SMPD3: variants seen among roughly 807,000 people sequenced by gnomAD.
The protein encoded by SMPD3 is sphingomyelin phosphodiesterase 3.
A neutral mutation model predicts 55.7 loss-of-function variants in SMPD3; 21 were observed. The ratio of observed to expected loss-of-function variants is 0.38; its 90% CI spans 0.27 to 0.54. SMPD3 has a LOEUF of 0.54. SMPD3 is among the 20% of genes least tolerant of loss of function. The pLI is 0.80. For missense variants in SMPD3, 842 were observed against 899.6 expected (o/e 0.94, Z 0.82); for synonymous variants, 457 against 404.3 (o/e 1.13, Z -1.56).
chr16:68,413,019 A>C (rs1275042069), intron 1 of SMPD3, among the ~76,000 whole-genome samples: 1 of 152,252 alleles, frequency 6.6e-6, no homozygotes, highest in African/African-American at 2.4e-5. Flanking sequence ...AGAGAGCTGA[A>C]GTGATGTATC....
chr16:68,437,219 A>T (rs1404774302), intron 1 of SMPD3, among the ~76,000 whole-genome samples: 1 of 152,250 alleles, frequency 6.6e-6, no homozygotes, highest in Non-Finnish European at 1.5e-5. Flanking sequence ...GGGCGTGAAT[A>T]CTTGGTCCTG....
intron 2 of SMPD3, among the ~76,000 whole-genome samples, chr16:68,375,889 G>A (rs897595184): frequency 2.0e-5 from 3 of 152,148 alleles, no homozygotes; most frequent in African/African-American, 7.2e-5. Context: ...AGCCCTTCCC[G>A]CTGCCCTTCC....
chr16:68,404,349 C>T lies in SMPD3; in HGVS notation c.-268-17690G>A, dbSNP rs958442725. ...TCCCGACCTCAGGTGATCTGCCCGC[C>T]TCAGCCTCCCAAATTGCTGAGATTA... On this transcript the variant is annotated intron_variant, in intron 1 of 8. Coordinates refer to ENST00000219334, the MANE Select transcript of SMPD3 (RefSeq NM_018667.4). The surrounding 1 kb of genome is among the most constrained non-coding windows in gnomAD (Gnocchi z 4.0). Among the ~76,000 whole-genome samples the T allele has an allele frequency of 2.6e-5, 4 of 152,108 alleles. No homozygotes were observed. Among genetic ancestry groups the T allele is most frequent in the Non-Finnish European group, 5.9e-5 (4 of 68,010 alleles).
chr16:68,410,872 A>G (rs1485532909), intron 1 of SMPD3, among the ~76,000 whole-genome samples: 1 of 152,274 alleles, frequency 6.6e-6, no homozygotes, highest in African/African-American at 2.4e-5. Context: ...GCATCTGTGA[A>G]TTCCGGCAGA....
At chr16:68,378,191 G>T (rs2089866739) in intron 2 of SMPD3, among the ~76,000 whole-genome samples, 1 of 152,196 alleles carries the variant, frequency 6.6e-6, no homozygotes, top group Non-Finnish European at 1.5e-5. Context: ...CACGTGGATT[G>T]CTCCAATCCA....
chr16:68,362,340 T>C (rs890836927), intron 7 of SMPD3, among the ~76,000 whole-genome samples: 1 of 152,118 alleles, frequency 6.6e-6, no homozygotes, highest in African/African-American at 2.4e-5. Context: ...CGCTTCTGAG[T>C]GAGGAAACCC....
chr16:68,366,486 C>T (rs1022021420), intron 3 of SMPD3, among the ~76,000 whole-genome samples: 1 of 152,242 alleles, frequency 6.6e-6, no homozygotes, highest in Non-Finnish European at 1.5e-5. Flanking sequence ...TAACAGCATC[C>T]CCGCCCCCCG....
intron 1 of SMPD3, among the ~76,000 whole-genome samples, chr16:68,409,888 A>G (rs529105803): frequency 6.6e-6 from 1 of 152,294 alleles, no homozygotes; most frequent in East Asian, 1.9e-4. Context: ...CACCGCGCCC[A>G]GCCAATGATT....
Position 68,372,133 on chromosome 16 carries a change from G to A in SMPD3, c.49C>T (p.His17Tyr), listed in dbSNP as rs2089688907. 6.2e-7 allele frequency: 1 copy of A among 1,612,916 alleles called. No individual in the cohort carries two copies. The highest frequency in any genetic ancestry group is 8.5e-7 in the Non-Finnish European group (1 of 1,179,602). The change falls in exon 3 of 9, where the codon CAC (histidine) becomes TAC (tyrosine). Residue 17 changes from histidine (H) to tyrosine (Y), a missense_variant. Around this residue, in one of 2 missense-constraint regions of SMPD3, gnomAD observed 193 missense variants for 256.0 expected, o/e 0.75. Coordinates refer to ENST00000219334, the MANE Select transcript of SMPD3 (RefSeq NM_018667.4). ...PFPNSCLSAL[H>Y]CVSWALIFPC... ...AAGATAAGGGCCCAGGACACACAGT[G>A]CAGGGCGGACAGACAGCTGTTAGGA... is the stretch of plus-strand genomic sequence containing the variant.
intron 1 of SMPD3, among the ~76,000 whole-genome samples, chr16:68,408,591 C>T (rs1373229726): frequency 6.6e-6 from 1 of 152,206 alleles, no homozygotes; most frequent in African/African-American, 2.4e-5. Flanking sequence ...CAGCATATTG[C>T]TGAATGAATC....
At chr16:68,370,464 C>T (rs575058891) in intron 3 of SMPD3, among the ~76,000 whole-genome samples, 33 of 152,318 alleles carry the variant, frequency 2.2e-4, no homozygotes, top group Admixed American at 3.9e-4. Context: ...TCCTGTTCTT[C>T]CTCACTTTAT....
chr16:68,420,003 G>A (rs1417732739), intron 1 of SMPD3, among the ~76,000 whole-genome samples: 3 of 146,182 alleles, frequency 2.1e-5, no homozygotes, highest in Non-Finnish European at 4.5e-5. Flanking sequence ...TTTTTTTTAA[G>A]AGATAGTGTC....
chr16:68,376,780 G>A (rs994141328), intron 2 of SMPD3, among the ~76,000 whole-genome samples: 6 of 152,148 alleles, frequency 3.9e-5, no homozygotes, highest in Admixed American at 1.3e-4. Flanking sequence ...AGTCAGCCCC[G>A]ACCTAGAAAA....
intron 2 of SMPD3, among the ~76,000 whole-genome samples, chr16:68,377,148 C>G (rs74371923): frequency 0.017 from 2,624 of 152,292 alleles, 102 homozygotes; most frequent in African/African-American, 0.059. Context: ...GAGACATCAG[C>G]CACACTGCCT....
At chr16:68,388,434 G>A (rs1816331668) in intron 1 of SMPD3, among the ~76,000 whole-genome samples, 2 of 152,138 alleles carry the variant, frequency 1.3e-5, no homozygotes, top group African/African-American at 2.4e-5. Flanking sequence ...CAGGCCACAG[G>A]CTCACAAGCA....
chr16:68,378,426 A>G (rs1371108271), intron 2 of SMPD3, among the ~76,000 whole-genome samples: 3 of 152,176 alleles, frequency 2.0e-5, no homozygotes, highest in Non-Finnish European at 4.4e-5. Flanking sequence ...CCCAGGTAGA[A>G]TTGGGGTCTG....
chr16:68,441,180 G>A (rs1486354010), intron 1 of SMPD3, among the ~76,000 whole-genome samples: 1 of 152,166 alleles, frequency 6.6e-6, no homozygotes, highest in East Asian at 1.9e-4. Flanking sequence ...GGACCTGTCA[G>A]TCACTGTTCT....
intron 5 of SMPD3, among the ~76,000 whole-genome samples, chr16:68,364,154 A>G (rs2089404166): frequency 6.6e-6 from 1 of 151,932 alleles, no homozygotes; most frequent in South Asian, 2.1e-4. Flanking sequence ...GAAGGTCCCC[A>G]CAAGGTCCAT....
intron 1 of SMPD3, among the ~76,000 whole-genome samples, chr16:68,406,240 G>A (rs990658037): frequency 1.3e-5 from 2 of 152,184 alleles, no homozygotes; most frequent in African/African-American, 2.4e-5. Context: ...AATAAATCAC[G>A]AAGCTACTTG....
Sources: allele counts gnomAD v4.1 joint callset (sites outside exome capture counted in the v4.1 genomes callset), GRCh38; gene constraint gnomAD v4.1.1; regional missense constraint gnomAD v4.1.1; non-coding constraint Gnocchi (gnomAD v3.1); transcripts MANE v1.5; gene names NCBI Gene and HGNC (gene_info 2026-07-23, HGNC 2026-07-21).